ADGRF5: variants seen among roughly 807,000 people sequenced by gnomAD.
ADGRF5 encodes G-protein coupled receptor 116.
ADGRF5 carries 75 observed loss-of-function variants against 132.3 expected under a neutral mutation model. The ratio of observed to expected loss-of-function variants is 0.57; its 90% CI spans 0.47 to 0.69. The LOEUF (loss-of-function observed/expected upper bound fraction) is 0.69, where lower values mean the gene tolerates loss of function less well. Ranked by LOEUF, ADGRF5 falls within the 30% of genes least tolerant of loss-of-function variation. The probability of loss-of-function intolerance (pLI) is 0.00; values close to 1 mark genes in which losing one functional copy is unlikely to be tolerated. For synonymous variants in ADGRF5, 629 were observed against 597.6 expected (o/e 1.05, Z -0.77); for missense variants, 1,516 against 1,630.6 (o/e 0.93, Z 1.21).
chr6:46,902,179 G>C (rs575655983), intron 2 of ADGRF5, among the ~76,000 whole-genome samples: 24 of 152,340 alleles, frequency 1.6e-4, no homozygotes, highest in Admixed American at 1.0e-3. Flanking sequence ...GCTTCCCTTG[G>C]AGAATGCTTT....
intron 1 of ADGRF5, among the ~76,000 whole-genome samples, chr6:46,908,351 T>A (rs1488141986): frequency 2.0e-5 from 3 of 152,148 alleles, no homozygotes; most frequent in African/African-American, 7.2e-5. Context: ...TTGAACAGGC[T>A]AATACAGAAT....
intron 10 of ADGRF5, among the ~76,000 whole-genome samples, chr6:46,877,292 TCTCTCTCTCTC>T (rs1562174741): frequency 2.4e-4 from 11 of 45,300 alleles, no homozygotes; most frequent in Non-Finnish European, 9.4e-5. Flanking sequence ...TCTTTCTTTC[TCTCTCTCTCTC>T]TCTTTCCTTC....
intron 10 of ADGRF5, among the ~76,000 whole-genome samples, chr6:46,874,458 TG>T (rs1771416993): frequency 6.6e-6 from 1 of 152,168 alleles, no homozygotes; most frequent in Non-Finnish European, 1.5e-5. Flanking sequence ...ATAATGATAG[TG>T]TGCAGTGGGT....
chr6:46,954,724 A>C (rs763637905), intron 1 of ADGRF5: 22 of 152,182 alleles, frequency 1.4e-4, no homozygotes, highest in Non-Finnish European at 3.1e-4. Flanking sequence ...AAAACGATGC[A>C]GGTACCTACC....
In ADGRF5 at chr6:46,954,156, A is replaced by T. The variant is rs181604869; in HGVS notation, c.-25+578T>A. 6.6e-5 allele frequency among the ~76,000 whole-genome samples: 10 copies of T among 152,174 alleles called. No homozygotes were observed. In the South Asian group the frequency reaches 1.0e-3, roughly 16 times the overall value. ...ATATTCGTTGTCACTACTGGTATTG[A>T]ATTTCAGGAAACCTCGGGAATAACA... is the stretch of plus-strand genomic sequence containing the variant. On this transcript the variant is annotated intron_variant, in intron 1 of 20. Coordinates refer to the ADGRF5 transcript ENST00000265417.
intron 14 of ADGRF5, chr6:46,863,374 A>G: frequency 2.0e-6 from 1 of 509,604 alleles, no homozygotes; most frequent in Non-Finnish European, 3.8e-6. Flanking sequence ...TATTAGAATC[A>G]TCTGGGAAGC....
intron 19 of ADGRF5, 26 bp downstream of exon 19, chr6:46,856,692 A>G: frequency 8.5e-7 from 1 of 1,170,086 alleles, no homozygotes; most frequent in Non-Finnish European, 1.3e-6. Context: ...TATAAAATGA[A>G]AAGTCTCTGC....
intron 3 of ADGRF5, among the ~76,000 whole-genome samples, chr6:46,893,444 C>A (rs1406613835): frequency 6.6e-6 from 1 of 152,222 alleles, no homozygotes; most frequent in East Asian, 1.9e-4. Context: ...ATCAGCGTGA[C>A]CCACATAGCG....
chr6:46,920,526 T>G (rs10948313), intron 1 of ADGRF5, among the ~76,000 whole-genome samples: 31,653 of 102,076 alleles, frequency 0.31, 4,756 homozygotes, highest in Admixed American at 0.41. Flanking sequence ...GAATAATATT[T>G]GGGGGGGGGG....
intron 4 of ADGRF5, chr6:46,888,102 C>A (rs770385322): frequency 1.6e-5 from 7 of 425,950 alleles, no homozygotes; most frequent in African/African-American, 1.5e-4. Flanking sequence ...AAGCATCATA[C>A]AAACCACCAA....
intron 3 of ADGRF5, among the ~76,000 whole-genome samples, chr6:46,895,733 G>A (rs1774113366): frequency 6.6e-6 from 1 of 151,144 alleles, no homozygotes; most frequent in East Asian, 2.0e-4. Flanking sequence ...TCCAAGACAC[G>A]CCCCTTCTGT....
chr6:46,933,968 T>C (rs1414389791), intron 1 of ADGRF5, among the ~76,000 whole-genome samples: 1 of 152,224 alleles, frequency 6.6e-6, no homozygotes, highest in Non-Finnish European at 1.5e-5. Flanking sequence ...ACCACATCTA[T>C]TTTTAGTTTC....
At chr6:46,921,325 G>A (rs894635578) in intron 1 of ADGRF5, among the ~76,000 whole-genome samples, 1 of 152,134 alleles carries the variant, frequency 6.6e-6, no homozygotes, top group East Asian at 1.9e-4. Flanking sequence ...AGCAATGGCC[G>A]ACTGGCCCTG....
chr6:46,858,051 A>G (rs1374439535), intron 17 of ADGRF5, 78 bp downstream of exon 17: 11 of 1,086,956 alleles, frequency 1.0e-5, no homozygotes, highest in Non-Finnish European at 1.5e-5. Context: ...CCCCATTCCT[A>G]CTCTTGTTTG....
intron 1 of ADGRF5, among the ~76,000 whole-genome samples, chr6:46,918,915 C>A (rs1562239309): frequency 6.6e-6 from 1 of 152,166 alleles, no homozygotes; most frequent in Non-Finnish European, 1.5e-5. Context: ...AATCTCAACC[C>A]CAGCTGCATT....
chr6:46,879,873 G>A lies in ADGRF5; in HGVS notation c.981C>T (p.Asn327=), dbSNP rs1466734321. 1.2e-6 allele frequency: 2 copies of A among 1,614,100 alleles called. No individual in the cohort carries two copies. Among genetic ancestry groups the A allele is most frequent in the Admixed American group, 1.7e-5 (1 of 60,020 alleles). ...SRFSIYTALF[N]NMTSVSKLTI... ...TGAGCTTGGACACCGAAGTCATGTT[G>A]TTGAAAAGTGCGGTGTAAATCGAGA... Residue 327 remains asparagine, a synonymous_variant, in exon 9 of 21, where the codon AAC becomes AAT. Coordinates refer to ENST00000283296, the MANE Select transcript of ADGRF5 (RefSeq NM_001098518.2).
intron 6 of ADGRF5, among the ~76,000 whole-genome samples, chr6:46,883,249 AC>A (rs1772679997): frequency 6.6e-6 from 1 of 152,202 alleles, no homozygotes; most frequent in East Asian, 1.9e-4. Flanking sequence ...ATAGAAATGC[AC>A]CAACTCATGC....
At chr6:46,933,936 C>T (rs1344302692) in intron 1 of ADGRF5, among the ~76,000 whole-genome samples, 1 of 152,178 alleles carries the variant, frequency 6.6e-6, no homozygotes, top group East Asian at 1.9e-4. Flanking sequence ...CTCATCTGAC[C>T]TGGAATATTA....
rs369298419 is a variant in ADGRF5, at chr6:46,889,436, C to T, written c.158-931G>A. 3.6e-4 allele frequency among the ~76,000 whole-genome samples: 52 copies of T among 145,520 alleles called. 1 individual carries two copies. The East Asian group carries it at 4.8e-3, about 13-fold the overall frequency. On this transcript the variant is annotated intron_variant, in intron 3 of 20. Transcript: ENST00000283296. ...CTACATAAAGTATAAAGACTATAGTCTTTATATAGTATATATACTAAAGTC... is the reference window on the plus strand; with the variant it reads ...CTACATAAAGTATAAAGACTATAGTTTTTATATAGTATATATACTAAAGTC...
Sources: allele counts gnomAD v4.1 joint callset (sites outside exome capture counted in the v4.1 genomes callset), GRCh38; gene constraint gnomAD v4.1.1; transcripts MANE v1.5; gene names NCBI Gene and HGNC (gene_info 2026-07-23, HGNC 2026-07-21).